The following NTRK2 variants were observed in gnomAD, a reference collection of about 807,000 sequenced individuals.
NTRK2 encodes BDNF/NT-3 growth factors receptor.
NTRK2 carries 13 observed loss-of-function variants against 94.5 expected under a neutral mutation model. That is an observed-to-expected ratio of 0.14 (90% CI 0.09 to 0.22). NTRK2 has a LOEUF of 0.22. NTRK2 is among the 10% of genes least tolerant of loss of function. The pLI is 1.00. For missense variants in NTRK2, 639 were observed against 1,071.2 expected (o/e 0.60, Z 5.63); for synonymous variants, 372 against 407.4 (o/e 0.91, Z 1.05).
At chr9:84,801,602 G>T (rs997992293) in intron 12 of NTRK2, among the ~76,000 whole-genome samples, 1 of 152,190 alleles carries the variant, frequency 6.6e-6, no homozygotes, top group Non-Finnish European at 1.5e-5. Context: ...GTGTTGCCGG[G>T]TGATTTTGCC....
At chr9:85,017,084 T>G (rs1832316949) in intron 17 of NTRK2, among the ~76,000 whole-genome samples, 2 of 152,280 alleles carry the variant, frequency 1.3e-5, no homozygotes, top group African/African-American at 4.8e-5. Flanking sequence ...AAAAAGTGGG[T>G]GCTGCTATCA....
At chr9:84,828,556 C>T (rs1375413337) in intron 12 of NTRK2, among the ~76,000 whole-genome samples, 1 of 152,146 alleles carries the variant, frequency 6.6e-6, no homozygotes, top group East Asian at 1.9e-4. Context: ...CCAAAGAGAA[C>T]TCAGATGGCC....
intron 16 of NTRK2, among the ~76,000 whole-genome samples, chr9:84,951,101 A>G (rs2078765940): frequency 6.6e-6 from 1 of 152,124 alleles, no homozygotes; most frequent in Non-Finnish European, 1.5e-5. Context: ...CGTCTGGATC[A>G]TTTTTACCCT....
At chr9:84,999,855 A>G (rs2133393648) in intron 17 of NTRK2, among the ~76,000 whole-genome samples, 2 of 152,238 alleles carry the variant, frequency 1.3e-5, no homozygotes, top group South Asian at 4.1e-4. Flanking sequence ...TGTTTCCTGT[A>G]GGTTTCCTCC....
intron 16 of NTRK2, among the ~76,000 whole-genome samples, chr9:84,954,540 TCTC>T (rs1823866236): frequency 6.6e-6 from 1 of 152,210 alleles, no homozygotes; most frequent in African/African-American, 2.4e-5. Context: ...TCAAAAGAGT[TCTC>T]CTATGTGTTG....
chr9:84,965,961 A>G, intron 17 of NTRK2, among the ~76,000 whole-genome samples: 1 of 152,176 alleles, frequency 6.6e-6, no homozygotes, highest in Non-Finnish European at 1.5e-5. Flanking sequence ...AATACTGGAT[A>G]CCTACAGAGA....
chr9:84,920,935 A>G (rs966655191), intron 14 of NTRK2, among the ~76,000 whole-genome samples: 1 of 152,242 alleles, frequency 6.6e-6, no homozygotes, highest in African/African-American at 2.4e-5. Flanking sequence ...TTTTTCCAAT[A>G]TAATCTACTC....
intron 9 of NTRK2, among the ~76,000 whole-genome samples, chr9:84,730,376 T>G (rs2062751714): frequency 6.6e-6 from 1 of 152,088 alleles, no homozygotes; most frequent in Non-Finnish European, 1.5e-5. Flanking sequence ...TTTATGAGAC[T>G]CACAACCATA....
chr9:84,845,768 G>T (rs532498979), intron 12 of NTRK2, among the ~76,000 whole-genome samples: 1 of 152,174 alleles, frequency 6.6e-6, no homozygotes, highest in African/African-American at 2.4e-5. Context: ...GGGACTTGGT[G>T]GGGTGTCAAT....
chr9:84,834,288 A>G (rs1188649863), intron 12 of NTRK2, among the ~76,000 whole-genome samples: 2 of 152,212 alleles, frequency 1.3e-5, no homozygotes, highest in African/African-American at 4.8e-5. Context: ...ATGAAATTTA[A>G]ATTTAGCTGG....
chr9:84,758,481 G>A (rs932857384), intron 12 of NTRK2, among the ~76,000 whole-genome samples: 7 of 151,892 alleles, frequency 4.6e-5, no homozygotes, highest in African/African-American at 1.7e-4. Context: ...AACCTCTGCC[G>A]CCCAGCTTCA....
intron 15 of NTRK2, among the ~76,000 whole-genome samples, chr9:84,945,337 G>A (rs1049814476): frequency 6.6e-6 from 1 of 152,098 alleles, no homozygotes; most frequent in Admixed American, 6.6e-5. Flanking sequence ...GTGATAAAAG[G>A]GTGAACAGGA....
intron 15 of NTRK2, among the ~76,000 whole-genome samples, chr9:84,939,067 A>AAAAAAAG (rs1554772373): frequency 7.6e-5 from 11 of 144,550 alleles, no homozygotes; most frequent in African/African-American, 2.3e-4. Flanking sequence ...AAAAAAAAAA[A>AAAAAAAG]AAAAGAAAAG....
At chr9:84,873,529 T>G (rs201784139) in intron 14 of NTRK2, 2 of 1,057,570 alleles carry the variant, frequency 1.9e-6, no homozygotes, top group East Asian at 1.0e-4. Flanking sequence ...CTACAACAAT[T>G]TGATATCATA....
At chr9:84,887,574 T>C (rs2076456603) in intron 14 of NTRK2, among the ~76,000 whole-genome samples, 1 of 152,260 alleles carries the variant, frequency 6.6e-6, no homozygotes, top group Non-Finnish European at 1.5e-5. Context: ...AATGATTTTA[T>C]ATCATTGCTT....
At chr9:84,930,529 G>A (rs1014518033) in intron 14 of NTRK2, among the ~76,000 whole-genome samples, 5 of 152,208 alleles carry the variant, frequency 3.3e-5, no homozygotes, top group Non-Finnish European at 7.3e-5. Flanking sequence ...AGTACCAGGG[G>A]ATGAGGGATA....
chr9:84,994,168 A>G (rs1829443720), intron 17 of NTRK2, among the ~76,000 whole-genome samples: 1 of 152,066 alleles, frequency 6.6e-6, no homozygotes, highest in African/African-American at 2.4e-5. Context: ...AGTATTTTGA[A>G]TATTTCTTCT....
At position 84,870,140 on chromosome 9, in the gene NTRK2, CAT is replaced by C. The variant is rs570274539; in HGVS notation, c.1633+2717_1633+2718del. Among the ~76,000 whole-genome samples the C allele has an allele frequency of 6.2e-4, 80 of 129,892 alleles. 1 individual carries two copies. The highest frequency in any genetic ancestry group is 1.6e-3 in the Admixed American group (20 of 12,178). 85.2% of individuals were successfully genotyped at this position (129,892 alleles called of 152,430 possible). ...ATATATATATATACACACACACACA[CAT>C]ATATATACACACACATACATGTACT... On this transcript the variant is annotated intron_variant, in intron 14 of 18. Coordinates refer to ENST00000277120, the MANE Select transcript of NTRK2 (RefSeq NM_006180.6).
rs957660529 is a variant in NTRK2 at position 84,877,829 on chromosome 9, C to T, written c.1633+10398C>T. Reference sequence around the variant, plus strand: ...CTGTCCGAAAATGAGATCTTTTGTACTGGAATTTGTGATGTAGTTGATCAT... The same window carrying T: ...CTGTCCGAAAATGAGATCTTTTGTATTGGAATTTGTGATGTAGTTGATCAT... On this transcript the variant is annotated intron_variant, in intron 14 of 18. Transcript: ENST00000277120. The T allele has an allele frequency of 2.9e-6, 3 of 1,044,302 alleles. No homozygotes were observed. In the African/African-American group the frequency reaches 5.0e-5, roughly 17 times the overall value. The allele number at this position is 1,044,302 out of a possible 1,614,324, so 64.7% of individuals were successfully genotyped here.
Sources: allele counts gnomAD v4.1 joint callset (sites outside exome capture counted in the v4.1 genomes callset), GRCh38; gene constraint gnomAD v4.1.1; transcripts MANE v1.5; gene names NCBI Gene and HGNC (gene_info 2026-07-23, HGNC 2026-07-21).